WNT2B: variants seen among roughly 807,000 people sequenced by gnomAD.
WNT2B encodes protein Wnt-2b.
In WNT2B, 19 loss-of-function variants were observed where a neutral mutation model predicts 40.5. That is an observed-to-expected ratio of 0.47 (90% confidence interval 0.33 to 0.69). WNT2B has a LOEUF of 0.69. Among genes scored for constraint, WNT2B ranks in the 30% least tolerant of loss-of-function variants. The pLI is 0.02. For missense variants in WNT2B, 467 were observed against 556.4 expected (o/e 0.84, Z 1.62); for synonymous variants, 220 against 211.9 (o/e 1.04, Z -0.33).
At chr1:112,485,566 A>G (rs534375297) in intron 1 of WNT2B, among the ~76,000 whole-genome samples, 33 of 152,238 alleles carry the variant, frequency 2.2e-4, no homozygotes, top group Non-Finnish European at 4.1e-4. Context: ...GTCCAGAAAC[A>G]GTCTCTCAAA....
exon 1 of WNT2B, chr1:112,466,952 C>T (rs911190749): frequency 3.9e-5 from 6 of 152,512 alleles, no homozygotes; most frequent in African/African-American, 1.4e-4. Context: ...AGTTACAGGC[C>T]TTTAGGGATT....
rs370981921 is a variant in WNT2B, at chr1:112,509,153, G to T, written c.-110G>T. 2 of 1,375,824 alleles carry T rather than the reference G, an allele frequency of 1.5e-6. No homozygotes were observed. Among genetic ancestry groups the T allele is most frequent in the East Asian group, 6.1e-5 (2 of 32,616 alleles). 85.2% of individuals were successfully genotyped at this position (1,375,824 alleles called of 1,614,324 possible). A position where few individuals can be genotyped will look rare whatever the true frequency, so the allele number is the denominator to read the frequency against. On this transcript the variant is annotated 5_prime_UTR_variant, in exon 1 of 5. Transcript: ENST00000369684. This position sits in a 1 kb window ranked among gnomAD's most constrained non-coding sequence, Gnocchi z 4.2. ...AGGTGATCCTAGGTCCCCAGCCGCCGGCGAACACCATGGCCCCCCAGGGGG... is the reference window on the plus strand; with the variant it reads ...AGGTGATCCTAGGTCCCCAGCCGCCTGCGAACACCATGGCCCCCCAGGGGG...
At chr1:112,504,542 G>A (rs182358173), upstream of WNT2B, among the ~76,000 whole-genome samples, 206 of 152,192 alleles carry the variant, frequency 1.4e-3, no homozygotes, top group African/African-American at 4.8e-3. Context: ...ACAAAGCGTG[G>A]ATCCCCACTC....
At chr1:112,474,893 A>C (rs1537413) in intron 1 of WNT2B, among the ~76,000 whole-genome samples, 133,298 of 151,672 alleles carry the variant, frequency 0.88, 58,737 homozygotes, top group East Asian at 1. Context: ...GCAATCCCCC[A>C]CACACACACC....
chr1:112,484,975 C>T (rs1453933854), intron 1 of WNT2B, among the ~76,000 whole-genome samples: 2 of 152,120 alleles, frequency 1.3e-5, no homozygotes, highest in South Asian at 2.1e-4. Flanking sequence ...ATTCAGTGCT[C>T]TCCAAATAAT....
rs927764578 is a variant in WNT2B at position 112,509,063 on chromosome 1, C to T, written c.-200C>T. 24 of 1,351,680 alleles carry T rather than the reference C, an allele frequency of 1.8e-5. No homozygotes were observed. Among genetic ancestry groups the T allele is most frequent in the Non-Finnish European group, 2.3e-5 (24 of 1,061,322 alleles). The allele number at this position is 1,351,680 out of a possible 1,614,324, so 83.7% of individuals were successfully genotyped here. A position where few individuals can be genotyped will look rare whatever the true frequency, so the allele number is the denominator to read the frequency against. On this transcript the variant is annotated 5_prime_UTR_variant, in exon 1 of 5. Transcript: ENST00000369684. The surrounding 1 kb of genome is among the most constrained non-coding windows in gnomAD (Gnocchi z 4.2). ...CCAGACCCCGGGTTCGGCACGCCGT[C>T]GTCGGCTTCCGGACATCGCAACTTG...
exon 1 of WNT2B, chr1:112,467,174 A>G: frequency 3.7e-6 from 1 of 266,728 alleles, no homozygotes; most frequent in Non-Finnish European, 7.1e-6. Context: ...GATAGCATAT[A>G]CAGTGCACCA....
At chr1:112,517,484 G>A (rs1652617544) in intron 4 of WNT2B, 99 bp downstream of exon 4, 1 of 1,440,882 alleles carries the variant, frequency 6.9e-7, no homozygotes, top group Admixed American at 2.5e-5. Context: ...TAGGGAAGGG[G>A]GTGCTGTGGG....
rs982586834 is a variant in WNT2B, at chr1:112,523,426, A to T, written c.*2917A>T. ...CAAAAGGAATGATGGCCAAGCAATT[A>T]ATTTTTCCTCCTAGTTCTTAGCTTG... On this transcript the variant is annotated 3_prime_UTR_variant, in exon 5 of 5. Coordinates refer to ENST00000369684, the MANE Select transcript of WNT2B (RefSeq NM_024494.3). 1 of 152,214 alleles carries T rather than the reference A, an allele frequency of 6.6e-6. No homozygotes were observed. Among genetic ancestry groups the T allele is most frequent in the Non-Finnish European group, 1.5e-5 (1 of 68,042 alleles). The allele number at this position is 152,214 out of a possible 1,614,324, so 9.4% of individuals were successfully genotyped here.
chr1:112,508,874 C>T (rs1204857979), upstream of WNT2B: 1 of 1,019,268 alleles, frequency 9.8e-7, no homozygotes, highest in Non-Finnish European at 1.2e-6. This position sits in a 1 kb window ranked among gnomAD's most constrained non-coding sequence, Gnocchi z 4.2. Context: ...GGGCTTGGCG[C>T]GGGCGGAGCC....
rs1034305980 is a variant in WNT2B at position 112,517,118 on chromosome 1, C to T, written c.682-3C>T. The T allele has an allele frequency of 3.7e-6, 6 of 1,609,094 alleles. No individual in the cohort carries two copies. Among genetic ancestry groups the T allele is most frequent in the Non-Finnish European group, 5.1e-6 (6 of 1,176,174 alleles). On this transcript the variant is annotated splice_region_variant and splice_polypyrimidine_tract_variant and intron_variant, in intron 3 of 4. Transcript: ENST00000369684. ...TCCCTTAACTGCCTTCCCCCTCCCC[C>T]AGGCTGTGCGGCGGTTTCTGAAGCT...
At position 112,520,768 on chromosome 1, in the gene WNT2B, G is replaced by A. The variant is rs991562097; in HGVS notation, c.*259G>A. On this transcript the variant is annotated 3_prime_UTR_variant, in exon 5 of 5. Transcript: ENST00000369684. ...TTTGAAGGGAGAGTAGAAGAGATAGGGGGTCTTTAGAGTGAAATGAGTTGC... is the reference window on the plus strand; with the variant it reads ...TTTGAAGGGAGAGTAGAAGAGATAGAGGGTCTTTAGAGTGAAATGAGTTGC... 1 of 529,486 alleles carries A rather than the reference G, an allele frequency of 1.9e-6. No individual in the cohort carries two copies. The highest frequency in any genetic ancestry group is 1.9e-5 in the African/African-American group (1 of 52,928). The allele number at this position is 529,486 out of a possible 1,614,324, so 32.8% of individuals were successfully genotyped here. A position where few individuals can be genotyped will look rare whatever the true frequency, so the allele number is the denominator to read the frequency against.
chr1:112,467,667 T>A (rs1650746250), intron 1 of WNT2B: 4 of 726,942 alleles, frequency 5.5e-6, no homozygotes, highest in Admixed American at 2.0e-5. Flanking sequence ...CATAATACTT[T>A]ACATATTTAT....
chr1:112,516,068 G>A, intron 2 of WNT2B, 72 bp from the exon 3 acceptor site: 1 of 1,538,380 alleles, frequency 6.5e-7, no homozygotes, highest in Non-Finnish European at 8.8e-7. Flanking sequence ...AGAGTCAGAG[G>A]TTGTATGGGC....
chr1:112,517,985 C>A (rs1652648228), intron 4 of WNT2B: 1 of 152,622 alleles, frequency 6.6e-6, no homozygotes, highest in Non-Finnish European at 1.5e-5. Flanking sequence ...GACCAATCTG[C>A]TGGGTAAAGG....
rs1213986183 is a variant in WNT2B, at chr1:112,522,831, CT to C, written c.*2324del. ...TGAGTGAGTCAGGCCAAGAGAATGTCTTCCTTCAGAATGGAGTCAACTGGAT... is the reference window on the plus strand; with the variant it reads ...TGAGTGAGTCAGGCCAAGAGAATGTCTCCTTCAGAATGGAGTCAACTGGAT... On this transcript the variant is annotated 3_prime_UTR_variant, in exon 5 of 5. Coordinates refer to ENST00000369684, the MANE Select transcript of WNT2B (RefSeq NM_024494.3). The C allele has an allele frequency of 6.6e-6, 1 of 152,154 alleles. No homozygotes were observed. The highest frequency in any genetic ancestry group is 2.4e-5 in the African/African-American group (1 of 41,390). The allele number at this position is 152,154 out of a possible 1,614,324, so 9.4% of individuals were successfully genotyped here. A position where few individuals can be genotyped will look rare whatever the true frequency, so the allele number is the denominator to read the frequency against.
At chr1:112,516,493 A>G in intron 3 of WNT2B, 76 bp downstream of exon 3, 1 of 1,523,850 alleles carries the variant, frequency 6.6e-7, no homozygotes, top group African/African-American at 1.4e-5. Context: ...GACTAAATAA[A>G]TGTGAAGATG....
At chr1:112,478,797 C>T (rs1405693028) in intron 1 of WNT2B, among the ~76,000 whole-genome samples, 1 of 152,080 alleles carries the variant, frequency 6.6e-6, no homozygotes. Flanking sequence ...GTGACACACT[C>T]CTGTAGTCCC....
intron 1 of WNT2B, among the ~76,000 whole-genome samples, chr1:112,472,557 A>G (rs1212780194): frequency 6.8e-6 from 1 of 148,122 alleles, no homozygotes; most frequent in African/African-American, 2.6e-5. Context: ...CCCCCAACCA[A>G]TGAAAAAAAA....
Sources: gnomAD v4.1 joint callset for allele counts (sites outside exome capture counted in the v4.1 genomes callset) on GRCh38, gnomAD v4.1.1 for gene constraint, Gnocchi (gnomAD v3.1) non-coding constraint, MANE v1.5 for transcripts, NCBI Gene and HGNC (gene_info 2026-07-23, HGNC 2026-07-21) for gene names.